DPYD: variants seen among roughly 807,000 people sequenced by gnomAD.
The protein encoded by DPYD is dihydropyrimidine dehydrogenase [NADP(+)].
A neutral mutation model predicts 116.2 loss-of-function variants in DPYD; 109 were observed. That is an observed-to-expected ratio of 0.94 (90% CI 0.80 to 1.10). The LOEUF (loss-of-function observed/expected upper bound fraction) is 1.10. Among genes scored for constraint, DPYD ranks in the 50% least tolerant of loss-of-function variants. The pLI is 0.00. For missense variants in DPYD, 1,302 were observed against 1,254.5 expected, an observed-to-expected ratio of 1.04 and a Z score of -0.57; for synonymous variants, 440 against 432.0, an observed-to-expected ratio of 1.02 and a Z score of -0.23.
At chr1:97,442,701 A>T (rs1675867239) in intron 14 of DPYD, among the ~76,000 whole-genome samples, 1 of 152,112 alleles carries the variant, frequency 6.6e-6, no homozygotes, top group Non-Finnish European at 1.5e-5. Flanking sequence ...CTCAAATTGA[A>T]GGAATCACTG....
intron 12 of DPYD, among the ~76,000 whole-genome samples, chr1:97,537,309 T>C (rs549726480): frequency 6.6e-6 from 1 of 152,316 alleles, no homozygotes; most frequent in African/African-American, 2.4e-5. Context: ...AACCCAGCAT[T>C]GTGGATTCAT....
chr1:97,141,631 G>A (rs142948836), intron 20 of DPYD, among the ~76,000 whole-genome samples: 9 of 152,122 alleles, frequency 5.9e-5, no homozygotes, highest in East Asian at 5.8e-4. Context: ...CCTTATCACC[G>A]AATATACTAT....
At chr1:97,868,674 G>C (rs1280989099) in intron 2 of DPYD, among the ~76,000 whole-genome samples, 1 of 151,718 alleles carries the variant, frequency 6.6e-6, no homozygotes, top group Non-Finnish European at 1.5e-5. Flanking sequence ...TTAAGGTGAA[G>C]AATCACACCC....
At chr1:97,167,848 C>A (rs1429484429) in intron 20 of DPYD, among the ~76,000 whole-genome samples, 4 of 152,006 alleles carry the variant, frequency 2.6e-5, no homozygotes, top group Admixed American at 6.6e-5. Flanking sequence ...GAGTAAAGAG[C>A]CTGCATTTTA....
At position 97,092,371 on chromosome 1, in the gene DPYD, T is replaced by C. The variant is rs1273993952; in HGVS notation, c.2766+6118A>G. On this transcript the variant is annotated intron_variant, in intron 21 of 22. Transcript: ENST00000370192. ...TAGAGGTGGAATTTCATTGATTGCA[T>C]ATGCGAGACAAAATGAAACAATACA... Among the ~76,000 whole-genome samples, 5 of 152,314 alleles carry C rather than the reference T, an allele frequency of 3.3e-5. No individual in the cohort carries two copies. The South Asian group carries it at 6.2e-4, about 19-fold the overall frequency.
chr1:97,125,447 A>T (rs1311365753), intron 20 of DPYD, among the ~76,000 whole-genome samples: 6 of 152,166 alleles, frequency 3.9e-5, no homozygotes, highest in Non-Finnish European at 8.8e-5. Context: ...AGGTATAAAA[A>T]AGAAATTCCA....
chr1:97,228,594 T>C (rs774249824), intron 19 of DPYD, among the ~76,000 whole-genome samples: 1 of 152,210 alleles, frequency 6.6e-6, no homozygotes, highest in East Asian at 1.9e-4. Context: ...TTTATATTAC[T>C]ATTTCTACAC....
intron 5 of DPYD, among the ~76,000 whole-genome samples, chr1:97,709,967 A>G (rs1297472919): frequency 6.6e-6 from 1 of 151,870 alleles, no homozygotes; most frequent in Non-Finnish European, 1.5e-5. Flanking sequence ...ATTTTAGAAC[A>G]TCTCTACTAG....
chr1:97,362,785 C>T (rs1372030363), intron 16 of DPYD, among the ~76,000 whole-genome samples: 2 of 152,130 alleles, frequency 1.3e-5, no homozygotes, highest in Admixed American at 1.3e-4. Context: ...TTCCTTACAC[C>T]TTACACAAAA....
At chr1:97,278,408 T>A (rs1372724018) in intron 18 of DPYD, among the ~76,000 whole-genome samples, 2 of 152,230 alleles carry the variant, frequency 1.3e-5, no homozygotes, top group Non-Finnish European at 2.9e-5. Context: ...AACCAGAAAC[T>A]ACAGAAAGTA....
At chr1:97,714,234 A>G (rs963175126) in intron 5 of DPYD, among the ~76,000 whole-genome samples, 3 of 151,954 alleles carry the variant, frequency 2.0e-5, no homozygotes, top group Non-Finnish European at 4.4e-5. Flanking sequence ...TTATTTTTTG[A>G]GATGGAGTCT....
At chr1:97,847,187 G>A (rs1474104726) in intron 2 of DPYD, among the ~76,000 whole-genome samples, 3 of 152,070 alleles carry the variant, frequency 2.0e-5, no homozygotes, top group Admixed American at 2.0e-4. Context: ...TTCTTCCCAG[G>A]AACCACAAAA....
At chr1:97,244,142 A>C (rs1457622713) in intron 18 of DPYD, among the ~76,000 whole-genome samples, 1 of 152,004 alleles carries the variant, frequency 6.6e-6, no homozygotes, top group African/African-American at 2.4e-5. Context: ...TTCAACCTGT[A>C]GGTGGCCACC....
chr1:97,105,091 TAACTC>T (rs1651035373), intron 20 of DPYD, among the ~76,000 whole-genome samples: 1 of 152,142 alleles, frequency 6.6e-6, no homozygotes, highest in Non-Finnish European at 1.5e-5. Context: ...ACAATTTAAA[TAACTC>T]ATATCAGGTC....
intron 6 of DPYD, among the ~76,000 whole-genome samples, chr1:97,692,758 G>A (rs1011311628): frequency 1.3e-5 from 2 of 152,090 alleles, no homozygotes; most frequent in Non-Finnish European, 1.5e-5. Context: ...AATGTGGTAC[G>A]CACAATGAGA....
chr1:97,084,535 G>C (rs1028139144), intron 21 of DPYD, among the ~76,000 whole-genome samples: 10 of 151,434 alleles, frequency 6.6e-5, no homozygotes, highest in African/African-American at 2.4e-4. Context: ...CTATTATATG[G>C]AACTAATGAC....
chr1:97,691,609 C>G (rs954222869), intron 7 of DPYD, 108 bp downstream of exon 7: 1 of 975,800 alleles, frequency 1.0e-6, no homozygotes, highest in Non-Finnish European at 1.6e-6. Flanking sequence ...CCTGATGTAG[C>G]TTTTAATTGT....
intron 19 of DPYD, among the ~76,000 whole-genome samples, chr1:97,207,517 T>G (rs4128474): frequency 6.6e-6 from 1 of 152,086 alleles, no homozygotes; most frequent in South Asian, 2.1e-4. Flanking sequence ...CTGAGTCTTA[T>G]CAGCAATTGT....
intron 19 of DPYD, among the ~76,000 whole-genome samples, chr1:97,194,418 CCGA>C (rs1443169345): frequency 6.6e-6 from 1 of 152,134 alleles, no homozygotes; most frequent in Non-Finnish European, 1.5e-5. Context: ...TGTAAGTTTC[CCGA>C]GGCCTCCCCC....
Sources: gnomAD v4.1 joint callset for allele counts (sites outside exome capture counted in the v4.1 genomes callset) on GRCh38, gnomAD v4.1.1 for gene constraint, MANE v1.5 for transcripts, NCBI Gene and HGNC (gene_info 2026-07-23, HGNC 2026-07-21) for gene names.